PRR27: variants seen among roughly 807,000 people sequenced by gnomAD.
PRR27 encodes proline rich 27, also known as proline-rich protein 27.
PRR27 carries 12 observed loss-of-function variants against 16.8 expected under a neutral mutation model. That is an observed-to-expected ratio of 0.71 (90% confidence interval 0.46 to 1.16). The LOEUF (loss-of-function observed/expected upper bound fraction) is 1.16, where lower values mean the gene tolerates loss of function less well. Among genes scored for constraint, PRR27 ranks in the 50% most tolerant of loss-of-function variants. PRR27 has a pLI of 0.00. For missense variants in PRR27, 277 were observed against 273.3 expected, an observed-to-expected ratio of 1.01 and a Z score of -0.10; for synonymous variants, 100 against 98.4, an observed-to-expected ratio of 1.02 and a Z score of -0.10.
rs1246626682 is a variant in PRR27 at position 70,164,808 on chromosome 4, T to C, written c.*2147T>C. On this transcript the variant is annotated 3_prime_UTR_variant, in exon 5 of 5. Transcript: ENST00000344526. Reference sequence around the variant, plus strand: ...CTTAGCAAATTATAATTGCTAATGGTACATTATGTGGTGTTTAGTATCACA... The same window carrying C: ...CTTAGCAAATTATAATTGCTAATGGCACATTATGTGGTGTTTAGTATCACA... The C allele has an allele frequency of 6.6e-6, 1 of 152,136 alleles. No individual in the cohort carries two copies. The highest frequency in any genetic ancestry group is 1.5e-5 in the Non-Finnish European group (1 of 67,992). The allele number at this position is 152,136 out of a possible 1,614,324, so 9.4% of individuals were successfully genotyped here. A position where few individuals can be genotyped will look rare whatever the true frequency, so the allele number is the denominator to read the frequency against.
intron 2 of PRR27, 92 bp from the exon 3 acceptor site, chr4:70,158,236 C>A: frequency 1.3e-6 from 1 of 796,316 alleles, no homozygotes; most frequent in Non-Finnish European, 2.0e-6. Context: ...TTCAAAATAT[C>A]ATTACTTATC....
At chr4:70,154,537 G>C (rs951376241) in intron 1 of PRR27, 111 bp downstream of exon 1, 2 of 955,062 alleles carry the variant, frequency 2.1e-6, no homozygotes, top group Non-Finnish European at 3.3e-6. Context: ...AAGCAGCAGA[G>C]AGACATAGAT....
chr4:70,158,215 A>G, intron 2 of PRR27, 113 bp from the exon 3 acceptor site: 2 of 720,398 alleles, frequency 2.8e-6, no homozygotes, highest in Non-Finnish European at 2.3e-6. Context: ...AAGATAAGAC[A>G]TTGGAATTCT....
intron 2 of PRR27, among the ~76,000 whole-genome samples, chr4:70,156,643 T>C (rs1411657591): frequency 1.3e-5 from 2 of 152,160 alleles, no homozygotes; most frequent in Admixed American, 1.3e-4. Context: ...TTCAGTTCCT[T>C]GCTACTTGTG....
chr4:70,156,395 G>A (rs185290388), intron 2 of PRR27, among the ~76,000 whole-genome samples: 1 of 152,268 alleles, frequency 6.6e-6, no homozygotes, highest in African/African-American at 2.4e-5. Flanking sequence ...TATGTCCTAA[G>A]TTCATTTGAA....
chr4:70,165,369 A>C lies in PRR27; in HGVS notation c.*2708A>C, dbSNP rs1020885037. On this transcript the variant is annotated 3_prime_UTR_variant, in exon 5 of 5. Coordinates refer to ENST00000344526, the MANE Select transcript of PRR27 (RefSeq NM_214711.4). ...ATAAATAATCCAAAAGAAAACATACATGTAACCACCACCATCTGGAAATTT... is the reference window on the plus strand; with the variant it reads ...ATAAATAATCCAAAAGAAAACATACCTGTAACCACCACCATCTGGAAATTT... The C allele has an allele frequency of 6.6e-6, 1 of 152,136 alleles. No homozygotes were observed. The highest frequency in any genetic ancestry group is 6.5e-5 in the Admixed American group (1 of 15,270). The allele number at this position is 152,136 out of a possible 1,614,324, so 9.4% of individuals were successfully genotyped here. A position where few individuals can be genotyped will look rare whatever the true frequency, so the allele number is the denominator to read the frequency against.
chr4:70,157,685 A>T (rs1385774938), intron 2 of PRR27, among the ~76,000 whole-genome samples: 2 of 151,734 alleles, frequency 1.3e-5, no homozygotes, highest in Non-Finnish European at 2.9e-5. Flanking sequence ...CGCCCAGCCA[A>T]TTTTTTTGTA....
chr4:70,157,606 C>G (rs532196161), intron 2 of PRR27, among the ~76,000 whole-genome samples: 2 of 151,976 alleles, frequency 1.3e-5, no homozygotes, highest in Non-Finnish European at 1.5e-5. Context: ...GCAACCTCTG[C>G]CTTCCAGGTT....
chr4:70,157,761 C>T (rs750790390), intron 2 of PRR27, among the ~76,000 whole-genome samples: 2 of 152,076 alleles, frequency 1.3e-5, no homozygotes, highest in African/African-American at 4.8e-5. Flanking sequence ...CCTCGTGATC[C>T]GCCCTCTTCG....
At chr4:70,156,813 A>T (rs540412498) in intron 2 of PRR27, among the ~76,000 whole-genome samples, 4 of 152,320 alleles carry the variant, frequency 2.6e-5, no homozygotes, top group Non-Finnish European at 5.9e-5. Flanking sequence ...ATAACGAAGG[A>T]GTAGAAATCT....
chr4:70,157,664 G>A (rs1437808948), intron 2 of PRR27, among the ~76,000 whole-genome samples: 1 of 151,816 alleles, frequency 6.6e-6, no homozygotes, highest in African/African-American at 2.4e-5. Context: ...GACTACAGGC[G>A]CCCGCCACCA....
Position 70,155,693 on chromosome 4 carries a change from G to GCACA in PRR27, c.52-341_52-338dup, listed in dbSNP as rs72148610. ...AAAGGCCACACTTTAACACACAGAT[G>GCACA]CACACACACACACACACACACACCA... On this transcript the variant is annotated intron_variant, in intron 1 of 4. Transcript: ENST00000344526. 3.5e-3 allele frequency among the ~76,000 whole-genome samples: 533 copies of GCACA among 150,368 alleles called. 8 individuals carry two copies. Among genetic ancestry groups the GCACA allele is most frequent in the Middle Eastern group, 0.017 (5 of 288 alleles).
At chr4:70,156,164 A>T in intron 2 of PRR27, 87 bp downstream of exon 2, 1 of 651,440 alleles carries the variant, frequency 1.5e-6, no homozygotes, top group South Asian at 3.2e-5. Context: ...ATTTCTTTAC[A>T]GTGAAACTTA....
At chr4:70,160,708 A>G (rs1728626260) in intron 3 of PRR27, among the ~76,000 whole-genome samples, 1 of 148,706 alleles carries the variant, frequency 6.7e-6, no homozygotes, top group African/African-American at 2.5e-5. Flanking sequence ...GCTTTAGCGA[A>G]GTTTACTAAA....
intron 1 of PRR27, among the ~76,000 whole-genome samples, chr4:70,155,186 G>T (rs1728446784): frequency 6.6e-6 from 1 of 152,002 alleles, no homozygotes; most frequent in Non-Finnish European, 1.5e-5. Context: ...GATAAATGAA[G>T]CTCCAATTCT....
chr4:70,157,704 A>G (rs1276151652), intron 2 of PRR27, among the ~76,000 whole-genome samples: 1 of 151,974 alleles, frequency 6.6e-6, no homozygotes, highest in Non-Finnish European at 1.5e-5. Context: ...TATTTTTAGC[A>G]GAGTTGGAGT....
rs1205753375 is a variant in PRR27, at chr4:70,165,846, G to A, written c.*3185G>A. On this transcript the variant is annotated 3_prime_UTR_variant, in exon 5 of 5. Coordinates refer to ENST00000344526, the MANE Select transcript of PRR27 (RefSeq NM_214711.4). ...AAGAAATGTTCACACCTTCACACTG[G>A]TATCAACTGCAACAACCACTATACT... is the stretch of plus-strand genomic sequence containing the variant. 1 of 152,064 alleles carries A rather than the reference G, an allele frequency of 6.6e-6. No homozygotes were observed. Among genetic ancestry groups the A allele is most frequent in the African/African-American group, 2.4e-5 (1 of 41,444 alleles). The allele number at this position is 152,064 out of a possible 1,614,324, so 9.4% of individuals were successfully genotyped here. A position where few individuals can be genotyped will look rare whatever the true frequency, so the allele number is the denominator to read the frequency against.
At chr4:70,157,993 G>A (rs879697402) in intron 2 of PRR27, among the ~76,000 whole-genome samples, 2 of 152,080 alleles carry the variant, frequency 1.3e-5, no homozygotes, top group East Asian at 1.9e-4. Flanking sequence ...AAGAAGGCCC[G>A]GAGCTACTAA....
At chr4:70,160,284 A>G (rs1728610631) in intron 3 of PRR27, among the ~76,000 whole-genome samples, 1 of 152,126 alleles carries the variant, frequency 6.6e-6, no homozygotes, top group Non-Finnish European at 1.5e-5. Context: ...GTGAGAACAC[A>G]GATATCTAGA....
Sources: allele counts gnomAD v4.1 joint callset (sites outside exome capture counted in the v4.1 genomes callset), GRCh38; gene constraint gnomAD v4.1.1; transcripts MANE v1.5; gene names NCBI Gene and HGNC (gene_info 2026-07-23, HGNC 2026-07-21).